POTEH: variants seen among roughly 807,000 people sequenced by gnomAD.
The protein encoded by POTEH is ANKRD26-like family C member 3.
POTEH carries 6 observed loss-of-function variants against 41.7 expected under a neutral mutation model. The observed-to-expected ratio is 0.14, with a 90% CI of 0.08 to 0.28. The LOEUF (loss-of-function observed/expected upper bound fraction) is 0.28, where lower values mean the gene tolerates loss of function less well. Ranked by LOEUF, POTEH falls within the 10% of genes least tolerant of loss-of-function variation. POTEH has a pLI of 1.00. For missense variants in POTEH, 115 were observed against 533.5 expected (o/e 0.22, Z 7.73); for synonymous variants, 38 against 179.9 (o/e 0.21, Z 6.31).
At chr22:15,706,810 C>G (rs1989685625) in intron 6 of POTEH, among the ~76,000 whole-genome samples, 1 of 152,308 alleles carries the variant, frequency 6.6e-6, no homozygotes, top group Admixed American at 6.5e-5. Flanking sequence ...CCTACTCACT[C>G]ATCCTTCTAT....
intron 1 of POTEH, 115 bp downstream of exon 1, chr22:15,690,824 C>G (rs1989288278): frequency 7.6e-7 from 1 of 1,311,218 alleles, no homozygotes; most frequent in African/African-American, 1.6e-5. Context: ...TCACACCACC[C>G]TGGATGTGGA....
At chr22:15,713,344 C>T (rs1191111316) in intron 9 of POTEH, among the ~76,000 whole-genome samples, 5 of 152,314 alleles carry the variant, frequency 3.3e-5, no homozygotes, top group South Asian at 2.1e-4. Flanking sequence ...TTCTCCCTAA[C>T]GGCGTCTTCA....
chr22:15,692,125 C>A (rs1483523734), intron 1 of POTEH, among the ~76,000 whole-genome samples: 1 of 129,884 alleles, frequency 7.7e-6, no homozygotes, highest in African/African-American at 2.7e-5. Context: ...CTGCTTCAGC[C>A]TACTGAGTAG....
intron 3 of POTEH, among the ~76,000 whole-genome samples, chr22:15,697,885 G>A (rs1989465206): frequency 6.7e-6 from 1 of 149,560 alleles, no homozygotes; most frequent in Non-Finnish European, 1.5e-5. Context: ...AGGTCAGTAA[G>A]TCATTAAGAG....
At chr22:15,692,358 A>G (rs1989341263) in intron 1 of POTEH, among the ~76,000 whole-genome samples, 1 of 146,880 alleles carries the variant, frequency 6.8e-6, no homozygotes, top group Non-Finnish European at 1.5e-5. Flanking sequence ...ACTTTTTTGC[A>G]TATCTACCAG....
rs1237761722 is a variant in POTEH, at chr22:15,691,413, C to G, written c.632+704C>G. On this transcript the variant is annotated intron_variant, in intron 1 of 10. Transcript: ENST00000343518. ...CGGTGGCAGGCACCTGTAGTCCCAGCTACTCAGGAGGCTGAGGCAGGAGAA... is the reference window on the plus strand; with the variant it reads ...CGGTGGCAGGCACCTGTAGTCCCAGGTACTCAGGAGGCTGAGGCAGGAGAA... 1.6e-5 allele frequency among the ~76,000 whole-genome samples: 2 copies of G among 125,526 alleles called. 1 individual carries two copies. Among genetic ancestry groups the G allele is most frequent in the Non-Finnish European group, 3.6e-5 (2 of 55,584 alleles). 82.3% of individuals were successfully genotyped at this position (125,526 alleles called of 152,430 possible). A position where few individuals can be genotyped will look rare whatever the true frequency, so the allele number is the denominator to read the frequency against.
chr22:15,710,552 T>C (rs1275367806), intron 8 of POTEH, among the ~76,000 whole-genome samples: 16 of 152,232 alleles, frequency 1.1e-4, no homozygotes, highest in African/African-American at 3.6e-4. Flanking sequence ...TAAATACATA[T>C]ATAAGATTCT....
chr22:15,691,929 A>G (rs1454090343), intron 1 of POTEH, among the ~76,000 whole-genome samples: 4 of 147,516 alleles, frequency 2.7e-5, no homozygotes, highest in African/African-American at 9.8e-5. Flanking sequence ...TTTTAAATAT[A>G]CAAAAAGAGA....
intron 9 of POTEH, among the ~76,000 whole-genome samples, chr22:15,714,373 C>T: frequency 6.6e-6 from 1 of 152,198 alleles, no homozygotes; most frequent in Non-Finnish European, 1.5e-5. Context: ...CCATTTCACG[C>T]TAAGTATGTG....
At chr22:15,711,421 G>A (rs1989821190) in intron 9 of POTEH, among the ~76,000 whole-genome samples, 1 of 151,528 alleles carries the variant, frequency 6.6e-6, no homozygotes, top group South Asian at 2.1e-4. Context: ...CCTCAAGTAG[G>A]CCCCAGTGTC....
intron 7 of POTEH, 126 bp downstream of exon 7, chr22:15,708,216 CT>C: frequency 3.1e-6 from 1 of 326,970 alleles, no homozygotes; most frequent in Non-Finnish European, 4.0e-6. Context: ...TCAATAGATT[CT>C]TTTTTTAAGA....
At chr22:15,710,130 AATGTGGCTAAAGTAGAT>A (rs1989775777) in intron 8 of POTEH, among the ~76,000 whole-genome samples, 1 of 150,658 alleles carries the variant, frequency 6.6e-6, no homozygotes, top group African/African-American at 2.4e-5. Flanking sequence ...ATCAATAGAA[AATGTGGCTAAAGTAGAT>A]AATTTTTTAT....
chr22:15,717,236 T>A lies in POTEH; in HGVS notation c.1521-2424T>A, dbSNP rs541861095. ...GCTGATTCCATATCTTTGCATATTG[T>A]GAATTGTGCTGCAGTAAACATATGT... On this transcript the variant is annotated intron_variant, in intron 9 of 10. Transcript: ENST00000343518. Among the ~76,000 whole-genome samples, 88 of 92,152 alleles carry A rather than the reference T, an allele frequency of 9.5e-4. 23 individuals are homozygous for A. Among genetic ancestry groups the A allele is most frequent in the African/African-American group, 2.8e-3 (85 of 29,844 alleles). The allele number at this position is 92,152 out of a possible 152,430, so 60.5% of individuals were successfully genotyped here.
chr22:15,714,041 C>T (rs1327084725), intron 9 of POTEH, among the ~76,000 whole-genome samples: 7 of 152,108 alleles, frequency 4.6e-5, no homozygotes, highest in African/African-American at 1.7e-4. Context: ...GTCTTTCCTA[C>T]TTTGGTTAAT....
intron 1 of POTEH, among the ~76,000 whole-genome samples, chr22:15,691,985 CATATATAT>C (rs142856307): frequency 8.0e-6 from 1 of 124,432 alleles, no homozygotes; most frequent in African/African-American, 2.7e-5. Flanking sequence ...TATGCAGATA[CATATATAT>C]ATATATATAT....
At chr22:15,692,300 T>G (rs1190760658) in intron 1 of POTEH, among the ~76,000 whole-genome samples, 1 of 145,710 alleles carries the variant, frequency 6.9e-6, no homozygotes, top group African/African-American at 2.5e-5. Flanking sequence ...CCACCATGCC[T>G]GGCCTATATA....
chr22:15,692,009 A>ATATATATATAT (rs1421248855), intron 1 of POTEH, among the ~76,000 whole-genome samples: 1 of 128,582 alleles, frequency 7.8e-6, no homozygotes, highest in Non-Finnish European at 1.7e-5. Flanking sequence ...TATATATATA[A>ATATATATATAT]ATTTCTTTTT....
intron 6 of POTEH, among the ~76,000 whole-genome samples, chr22:15,706,777 C>T (rs1989684477): frequency 6.6e-6 from 1 of 152,296 alleles, no homozygotes; most frequent in African/African-American, 2.4e-5. Context: ...CTTTCTCTGG[C>T]ATTACTGAGC....
At chr22:15,705,407 A>AT (rs1393172823) in intron 6 of POTEH, among the ~76,000 whole-genome samples, 2 of 139,288 alleles carry the variant, frequency 1.4e-5, no homozygotes, top group East Asian at 2.2e-4. Flanking sequence ...GTTTAGCTTA[A>AT]TTTTTTTCCC....
Sources: allele counts gnomAD v4.1 joint callset (sites outside exome capture counted in the v4.1 genomes callset), GRCh38; gene constraint gnomAD v4.1.1; transcripts MANE v1.5; gene names NCBI Gene and HGNC (gene_info 2026-07-23, HGNC 2026-07-21).